CTNNA3: variants seen among roughly 807,000 people sequenced by gnomAD.
The protein encoded by CTNNA3 is catenin alpha-3.
Under a neutral mutation model 95.7 loss-of-function variants are expected in CTNNA3, and 76 were observed. That is an observed-to-expected ratio of 0.79 (90% CI 0.66 to 0.96). The LOEUF is 0.96. Among genes scored for constraint, CTNNA3 ranks in the 40% least tolerant of loss-of-function variants. CTNNA3 has a pLI of 0.00. For missense variants in CTNNA3, 1,191 were observed against 1,089.8 expected (o/e 1.09, Z -1.31); for synonymous variants, 431 against 374.4 (o/e 1.15, Z -1.74).
chr10:66,832,438 T>C (rs1842753240), intron 7 of CTNNA3, among the ~76,000 whole-genome samples: 1 of 152,162 alleles, frequency 6.6e-6, no homozygotes. Context: ...AAAAAGTTCT[T>C]AAGGCACACC....
chr10:67,311,612 T>C (rs1384382582), intron 5 of CTNNA3, among the ~76,000 whole-genome samples: 3 of 152,200 alleles, frequency 2.0e-5, no homozygotes, highest in Non-Finnish European at 4.4e-5. Flanking sequence ...GTGCATTTTA[T>C]TGTATTCAAA....
At chr10:66,151,206 G>T (rs1174969308) in intron 13 of CTNNA3, among the ~76,000 whole-genome samples, 1 of 151,906 alleles carries the variant, frequency 6.6e-6, no homozygotes, top group African/African-American at 2.4e-5. Flanking sequence ...TGTCTAAATT[G>T]ATATTTAGAT....
At chr10:66,859,050 T>G (rs909725980) in intron 7 of CTNNA3, among the ~76,000 whole-genome samples, 17 of 152,054 alleles carry the variant, frequency 1.1e-4, no homozygotes, top group Non-Finnish European at 1.6e-4. Flanking sequence ...GGGTGATGCA[T>G]CAATCATTGT....
At chr10:67,246,485 C>T (rs945382759) in intron 5 of CTNNA3, among the ~76,000 whole-genome samples, 24 of 152,104 alleles carry the variant, frequency 1.6e-4, no homozygotes, top group Admixed American at 6.6e-4. Context: ...AAAATTCATT[C>T]CATATAGCAT....
At chr10:66,076,011 G>A (rs952062364) in intron 14 of CTNNA3, among the ~76,000 whole-genome samples, 24 of 151,286 alleles carry the variant, frequency 1.6e-4, no homozygotes, top group African/African-American at 5.3e-4. Flanking sequence ...AAATATTAGA[G>A]AATTTCTAAT....
chr10:66,469,841 C>T (rs1046533168), intron 11 of CTNNA3, among the ~76,000 whole-genome samples: 4 of 151,572 alleles, frequency 2.6e-5, no homozygotes, highest in Non-Finnish European at 4.4e-5. Flanking sequence ...CAGGGTAGCA[C>T]TGAATGGAGG....
chr10:67,615,090 T>G (rs542452830), intron 2 of CTNNA3, among the ~76,000 whole-genome samples: 3 of 152,344 alleles, frequency 2.0e-5, no homozygotes, highest in South Asian at 2.1e-4. Flanking sequence ...ATGTGAATGT[T>G]GGGGTTGGAA....
chr10:66,457,879 C>T (rs2093505122), intron 11 of CTNNA3, among the ~76,000 whole-genome samples: 2 of 152,116 alleles, frequency 1.3e-5, no homozygotes, highest in Admixed American at 1.3e-4. Context: ...GGCAGAGAGC[C>T]TCAGGCCTCT....
intron 9 of CTNNA3, among the ~76,000 whole-genome samples, chr10:66,720,264 T>TC (rs1380581071): frequency 6.8e-6 from 1 of 146,504 alleles, no homozygotes; most frequent in Non-Finnish European, 1.5e-5. Flanking sequence ...GTGAAGGCAG[T>TC]CACCTTTTAT....
chr10:67,600,419 T>C (rs1564773406), intron 3 of CTNNA3, among the ~76,000 whole-genome samples: 1 of 152,122 alleles, frequency 6.6e-6, no homozygotes, highest in African/African-American at 2.4e-5. Flanking sequence ...AAATGGTTAA[T>C]ATTATGAAAG....
chr10:67,480,653 A>C (rs1261356978), intron 5 of CTNNA3, among the ~76,000 whole-genome samples: 1 of 152,238 alleles, frequency 6.6e-6, no homozygotes, highest in Non-Finnish European at 1.5e-5. Flanking sequence ...TCCTGTAAGG[A>C]ATGCTTTTAG....
intron 5 of CTNNA3, among the ~76,000 whole-genome samples, chr10:67,290,933 A>G (rs376495818): frequency 3.3e-5 from 5 of 152,188 alleles, no homozygotes; most frequent in African/African-American, 1.2e-4. Flanking sequence ...TCTGTCACAC[A>G]TAATTGATGT....
At chr10:66,330,698 G>C (rs1313084497) in intron 12 of CTNNA3, among the ~76,000 whole-genome samples, 1 of 152,110 alleles carries the variant, frequency 6.6e-6, no homozygotes, top group East Asian at 1.9e-4. Context: ...CAGTGTAAAA[G>C]TGTTCCTATT....
At chr10:67,495,022 C>A (rs902081187) in intron 5 of CTNNA3, among the ~76,000 whole-genome samples, 4 of 152,152 alleles carry the variant, frequency 2.6e-5, no homozygotes, top group African/African-American at 9.7e-5. Flanking sequence ...GAAAATTATT[C>A]ATCATTGATA....
chr10:66,183,558 A>G (rs1052574495), intron 13 of CTNNA3, among the ~76,000 whole-genome samples: 1 of 152,270 alleles, frequency 6.6e-6, no homozygotes, highest in Non-Finnish European at 1.5e-5. Flanking sequence ...AATAAAAATT[A>G]ACCTATACTA....
rs181324755 is a variant in CTNNA3, at chr10:67,453,811, T to C, written c.579+68031A>G. Among the ~76,000 whole-genome samples, 38 of 152,322 alleles carry C rather than the reference T, an allele frequency of 2.5e-4. No homozygotes were observed. The East Asian group carries it at 7.1e-3, about 29-fold the overall frequency. ...AACCGTATTATGTAGAGTTTCCTTT[T>C]GTTAATTTGGAATTTAAATGTTTAA... On this transcript the variant is annotated intron_variant, in intron 5 of 17. Coordinates refer to ENST00000433211, the MANE Select transcript of CTNNA3 (RefSeq NM_013266.4).
chr10:67,459,361 G>A (rs1368710977), intron 5 of CTNNA3, among the ~76,000 whole-genome samples: 2 of 152,190 alleles, frequency 1.3e-5, no homozygotes, highest in African/African-American at 4.8e-5. Flanking sequence ...TAGTAGTGGG[G>A]ATGGGGTAGG....
chr10:66,660,344 C>A (rs1033377775), intron 9 of CTNNA3, among the ~76,000 whole-genome samples: 1 of 152,106 alleles, frequency 6.6e-6, no homozygotes, highest in African/African-American at 2.4e-5. Context: ...GGTTTTTGAT[C>A]CATGAGGCAG....
At chr10:67,205,037 C>G (rs562249541) in intron 6 of CTNNA3, among the ~76,000 whole-genome samples, 2 of 152,304 alleles carry the variant, frequency 1.3e-5, no homozygotes, top group East Asian at 1.9e-4. Flanking sequence ...TTGTTTATGT[C>G]TACACCTTAG....
Sources: gnomAD v4.1 joint callset for allele counts (sites outside exome capture counted in the v4.1 genomes callset) on GRCh38, gnomAD v4.1.1 for gene constraint, MANE v1.5 for transcripts, NCBI Gene and HGNC (gene_info 2026-07-23, HGNC 2026-07-21) for gene names.